CBLIF: variants seen among roughly 807,000 people sequenced by gnomAD.
CBLIF encodes the protein gastric intrinsic factor (vitamin B synthesis).
CBLIF carries 24 observed loss-of-function variants against 44.9 expected under a neutral mutation model. The ratio of observed to expected loss-of-function variants is 0.53; its 90% CI spans 0.39 to 0.75. CBLIF has a LOEUF of 0.75. CBLIF is among the 30% of genes least tolerant of loss of function. The probability of loss-of-function intolerance (pLI) is 0.00; values close to 1 mark genes in which losing one functional copy is unlikely to be tolerated. For missense variants in CBLIF, 481 were observed against 513.0 expected, an observed-to-expected ratio of 0.94 and a Z score of 0.60; for synonymous variants, 183 against 190.9, an observed-to-expected ratio of 0.96 and a Z score of 0.34.
chr11:59,841,430 G>C, intron 4 of CBLIF, 106 bp from the exon 5 acceptor site: 1 of 820,994 alleles, frequency 1.2e-6, no homozygotes, highest in South Asian at 1.4e-5. Flanking sequence ...GATTTTATTT[G>C]CTCCTCAGAA....
In CBLIF at chr11:59,837,215, C is replaced by T; in HGVS notation, c.830G>A (p.Gly277Asp). 2 of 1,614,062 alleles carry T rather than the reference C, an allele frequency of 1.2e-6. No individual in the cohort carries two copies. The highest frequency in any genetic ancestry group is 2.2e-5 in the South Asian group (2 of 91,082). ...CTGGGGCACATCTAGGTATGTCTTG[C>T]CTTTCAGGGAAGGGAGGATTTGAGC... ...SIAQILPSLKGKTYLDVPQVT... is the reference protein window; with the variant it reads ...SIAQILPSLKDKTYLDVPQVT... Residue 277 changes from glycine to aspartate, a missense_variant, in exon 6 of 9, where the codon GGC (glycine) becomes GAC (aspartate). By Grantham distance (94) the Gly-to-Asp change is moderately conservative. Transcript: ENST00000257248.
intron 7 of CBLIF, among the ~76,000 whole-genome samples, chr11:59,832,514 G>A (rs545024874): frequency 7.9e-5 from 12 of 152,282 alleles, no homozygotes; most frequent in Admixed American, 5.9e-4. Flanking sequence ...TGGGCCAGGT[G>A]TGGCGGCTCA....
rs778492156 is a variant in CBLIF at position 59,831,787 on chromosome 11, G to C, written c.1083C>G (p.Thr361=). 1 of 1,572,042 alleles carries C rather than the reference G, an allele frequency of 6.4e-7. No homozygotes were observed. Among genetic ancestry groups the C allele is most frequent in the South Asian group, 1.1e-5 (1 of 90,206 alleles). The part of the protein sequence containing the change: ...QRKNPMFKFE[T]TMTSWGLVVS... ...CGACAAGGCCCCAAGATGTCATTGT[G>C]GTTTCAAATCTAAAAAAAAGTTTAT... Residue 361 remains threonine (T), a synonymous_variant, in exon 8 of 9, where the codon ACC becomes ACG. Transcript: ENST00000257248.
intron 1 of CBLIF, 62 bp from the exon 2 acceptor site, chr11:59,844,117 C>A (rs1277625094): frequency 2.3e-6 from 3 of 1,280,186 alleles, no homozygotes; most frequent in East Asian, 2.3e-5. Context: ...AAACATTATC[C>A]CCGTGTCTTT....
At chr11:59,843,453 C>G (rs1448191710) in intron 2 of CBLIF, among the ~76,000 whole-genome samples, 6 of 152,142 alleles carry the variant, frequency 3.9e-5, no homozygotes, top group African/African-American at 1.4e-4. Context: ...ATAATTTAAA[C>G]TTTATCTAAC....
intron 1 of CBLIF, among the ~76,000 whole-genome samples, chr11:59,844,357 C>T (rs781531671): frequency 3.9e-5 from 6 of 152,150 alleles, no homozygotes; most frequent in Admixed American, 1.3e-4. Flanking sequence ...AGGGTAGTCT[C>T]GAATTTCTGA....
At position 59,841,291 on chromosome 11, in the gene CBLIF, C is replaced by CA. The variant is rs762598409; in HGVS notation, c.544dup (p.Cys182LeufsTer36). 4 of 1,613,892 alleles carry CA rather than the reference C, an allele frequency of 2.5e-6. No individual in the cohort carries two copies. Among genetic ancestry groups the CA allele is most frequent in the Non-Finnish European group, 3.4e-6 (4 of 1,179,772 alleles). ...ACCTACAGGGATCTTGTTGTACATA[C>CA]AGGTCAGAGCCAAGGTTGCCATTGC... On this transcript the variant is annotated frameshift_variant, in exon 5 of 9. Transcript: ENST00000257248. LOFTEE classifies it high-confidence loss of function.
chr11:59,842,311 A>G, intron 4 of CBLIF, 132 bp downstream of exon 4: 2 of 979,246 alleles, frequency 2.0e-6, no homozygotes, highest in Non-Finnish European at 3.3e-6. Flanking sequence ...AATATCTCCC[A>G]TCCACAGGCA....
At chr11:59,842,159 G>T (rs1445531818) in intron 4 of CBLIF, among the ~76,000 whole-genome samples, 1 of 152,176 alleles carries the variant, frequency 6.6e-6, no homozygotes, top group African/African-American at 2.4e-5. Context: ...CTTCTGACTT[G>T]AATGGCATTA....
Position 59,829,468 on chromosome 11 carries a change from T to C in CBLIF, c.*16A>G. On this transcript the variant is annotated 3_prime_UTR_variant, in exon 9 of 9. Coordinates refer to ENST00000257248, the MANE Select transcript of CBLIF (RefSeq NM_005142.3). ...TCCTTTGGAGATGTTTGATAGAAGCTGAACCCACCTCTTCGTTAGTACTGT... is the reference window on the plus strand; with the variant it reads ...TCCTTTGGAGATGTTTGATAGAAGCCGAACCCACCTCTTCGTTAGTACTGT... 2 of 1,574,284 alleles carry C rather than the reference T, an allele frequency of 1.3e-6. No homozygotes were observed. Among genetic ancestry groups the C allele is most frequent in the African/African-American group, 1.3e-5 (1 of 74,238 alleles).
At chr11:59,844,108 A>G in intron 1 of CBLIF, 53 bp from the exon 2 acceptor site, 1 of 1,337,216 alleles carries the variant, frequency 7.5e-7, no homozygotes. Flanking sequence ...CCTTCTCAAA[A>G]ACATTATCCC....
At position 59,835,413 on chromosome 11, in the gene CBLIF, C is replaced by T. The variant is rs369393638; in HGVS notation, c.1073+395G>A. ...CCTCCCAAAGTGCTGGGATTACAGG[C>T]GTGGGCCTCCCAAAGTGTTGGGATT... is the stretch of plus-strand genomic sequence containing the variant. On this transcript the variant is annotated intron_variant, in intron 7 of 8. Coordinates refer to ENST00000257248, the MANE Select transcript of CBLIF (RefSeq NM_005142.3). Among the ~76,000 whole-genome samples, 35 of 152,138 alleles carry T rather than the reference C, an allele frequency of 2.3e-4. No individual in the cohort carries two copies. The South Asian group carries it at 6.0e-3, about 26-fold the overall frequency.
intron 7 of CBLIF, among the ~76,000 whole-genome samples, chr11:59,834,238 CTTTTTCTTTCTTTCTTTCTT>C (rs1866412728): frequency 7.3e-6 from 1 of 137,120 alleles, no homozygotes; most frequent in African/African-American, 2.8e-5. Flanking sequence ...TTCTTTCTTT[CTTTTTCTTTCTTTCTTTCTT>C]TCTTTCTTTC....
At chr11:59,843,823 A>T in intron 2 of CBLIF, 56 bp downstream of exon 2, 1 of 1,300,108 alleles carries the variant, frequency 7.7e-7, no homozygotes, top group Non-Finnish European at 1.1e-6. Flanking sequence ...TGGAATCTGG[A>T]GGTGGTATGT....
intron 2 of CBLIF, 144 bp from the exon 3 acceptor site, chr11:59,843,285 G>A: frequency 7.5e-6 from 5 of 665,230 alleles, no homozygotes; most frequent in Admixed American, 2.3e-5. Context: ...TCTTTCCAAA[G>A]AAAAAAATAT....
At chr11:59,841,773 A>G (rs1024676807) in intron 4 of CBLIF, among the ~76,000 whole-genome samples, 1 of 152,192 alleles carries the variant, frequency 6.6e-6, no homozygotes, top group African/African-American at 2.4e-5. Flanking sequence ...TGAAAACCTG[A>G]GATAATACTA....
At chr11:59,842,638 T>A in intron 3 of CBLIF, 55 bp from the exon 4 acceptor site, 3 of 1,575,958 alleles carry the variant, frequency 1.9e-6, no homozygotes, top group Non-Finnish European at 2.6e-6. Context: ...GATGAGGACA[T>A]TTGCAAAGAA....
intron 2 of CBLIF, 95 bp from the exon 3 acceptor site, chr11:59,843,236 A>C (rs1190579078): frequency 1.3e-6 from 1 of 765,432 alleles, no homozygotes; most frequent in Non-Finnish European, 2.4e-6. Context: ...TATCTAGAGC[A>C]TTTTGACTTT....
rs752275774 is a variant in CBLIF at position 59,831,709 on chromosome 11, C to T, written c.1161G>A (p.Gln387=). The T allele has an allele frequency of 6.3e-7, 1 of 1,583,920 alleles. No individual in the cohort carries two copies. Among genetic ancestry groups the T allele is most frequent in the Non-Finnish European group, 8.7e-7 (1 of 1,152,550 alleles). The change falls in exon 8 of 9, where the codon CAG becomes CAA. Residue 387 remains glutamine (Q), a synonymous_variant. Transcript: ENST00000257248. The stretch of plus-strand genomic sequence containing the variant: ...TCAAAGGTGTTACACCACTAAGAAA[C>T]TGCCAGTATGTCTTGTGATTAACAT... ...AENVNHKTYW[Q]FLSGVTPLNE... is the part of the protein sequence containing the mutation.
Sources: allele counts gnomAD v4.1 joint callset (sites outside exome capture counted in the v4.1 genomes callset), GRCh38; gene constraint gnomAD v4.1.1; transcripts MANE v1.5; gene names NCBI Gene and HGNC (gene_info 2026-07-23, HGNC 2026-07-21).